The following TEAD1 variants were observed in gnomAD, a reference collection of about 807,000 sequenced individuals.
TEAD1 encodes TEA domain transcription factor 1, also known as transcriptional enhancer factor TEF-1.
A neutral mutation model predicts 54.9 loss-of-function variants in TEAD1; 9 were observed. The observed-to-expected ratio is 0.16, with a 90% CI of 0.10 to 0.29. TEAD1 has a LOEUF of 0.29. Among genes scored for constraint, TEAD1 ranks in the 10% least tolerant of loss-of-function variants. TEAD1 has a pLI of 1.00. For synonymous variants in TEAD1, 200 were observed against 187.8 expected (o/e 1.07, Z -0.53); for missense variants, 387 against 535.9 (o/e 0.72, Z 2.74).
intron 12 of TEAD1, among the ~76,000 whole-genome samples, chr11:12,933,368 GAAAATA>G (rs1949046166): frequency 6.6e-6 from 1 of 152,078 alleles, no homozygotes; most frequent in South Asian, 2.1e-4. Context: ...CTTGGATTTT[GAAAATA>G]AAATCATCTA....
intron 5 of TEAD1, among the ~76,000 whole-genome samples, chr11:12,874,038 G>A (rs1454246932): frequency 1.3e-5 from 2 of 151,934 alleles, no homozygotes; most frequent in Non-Finnish European, 2.9e-5. Context: ...TTTTTCTGAC[G>A]TATTTGATGG....
chr11:12,859,449 T>C (rs1452264591), intron 3 of TEAD1, among the ~76,000 whole-genome samples: 1 of 152,210 alleles, frequency 6.6e-6, no homozygotes, highest in African/African-American at 2.4e-5. Flanking sequence ...GATGCTTGGC[T>C]TGTCTGCAGA....
At chr11:12,935,441 A>ATTATTTAT (rs372268851) in intron 12 of TEAD1, among the ~76,000 whole-genome samples, 9,048 of 149,624 alleles carry the variant, frequency 0.06, 337 homozygotes, top group African/African-American at 0.08. Context: ...TCATTCAGCA[A>ATTATTTAT]TTATTTATTT....
At chr11:12,738,933 G>T (rs1310221230) in intron 2 of TEAD1, among the ~76,000 whole-genome samples, 1 of 152,176 alleles carries the variant, frequency 6.6e-6, no homozygotes, top group Non-Finnish European at 1.5e-5. Context: ...TGGGCAGTTG[G>T]CAGAGGTGCT....
intron 2 of TEAD1, among the ~76,000 whole-genome samples, chr11:12,705,714 G>A (rs1052277281): frequency 6.6e-6 from 1 of 152,132 alleles, no homozygotes; most frequent in Non-Finnish European, 1.5e-5. Flanking sequence ...TGGCCTTTTA[G>A]TTCGGTGCTA....
chr11:12,785,392 C>T (rs527997279), intron 3 of TEAD1, among the ~76,000 whole-genome samples: 1 of 152,278 alleles, frequency 6.6e-6, no homozygotes, highest in South Asian at 2.1e-4. Context: ...TTCCTCCTGT[C>T]CCACAGGTCC....
At chr11:12,926,486 C>T (rs1948904278) in intron 11 of TEAD1, among the ~76,000 whole-genome samples, 1 of 152,076 alleles carries the variant, frequency 6.6e-6, no homozygotes, top group African/African-American at 2.4e-5. Context: ...TCAAAAGTCA[C>T]ACTCACATTT....
At chr11:12,780,313 G>A (rs1945516180) in intron 3 of TEAD1, among the ~76,000 whole-genome samples, 1 of 145,944 alleles carries the variant, frequency 6.9e-6, no homozygotes, top group Non-Finnish European at 1.5e-5. Flanking sequence ...GTGCGATCTT[G>A]GCTCACTACA....
At chr11:12,836,850 A>C (rs530733799) in intron 3 of TEAD1, among the ~76,000 whole-genome samples, 6 of 152,148 alleles carry the variant, frequency 3.9e-5, no homozygotes, top group Non-Finnish European at 8.8e-5. Context: ...GTAATGGTAC[A>C]TTTGTCATAA....
At chr11:12,884,842 G>A (rs1014003845) in intron 9 of TEAD1, among the ~76,000 whole-genome samples, 1 of 152,198 alleles carries the variant, frequency 6.6e-6, no homozygotes, top group Admixed American at 6.5e-5. Flanking sequence ...CTAGGTGGAA[G>A]GCATTAAGAC....
At chr11:12,903,968 G>A (rs1367705263) in intron 10 of TEAD1, among the ~76,000 whole-genome samples, 1 of 152,186 alleles carries the variant, frequency 6.6e-6, no homozygotes, top group African/African-American at 2.4e-5. Flanking sequence ...GGTGGTTGGA[G>A]ATCAGTTATA....
intron 9 of TEAD1, among the ~76,000 whole-genome samples, 193 bp from the exon 10 acceptor site, chr11:12,901,747 A>G (rs1452721032): frequency 3.3e-5 from 5 of 152,192 alleles, no homozygotes. Flanking sequence ...TGTCAGTAAA[A>G]AGCAATGATT....
chr11:12,832,044 C>T (rs1241851513), intron 3 of TEAD1, among the ~76,000 whole-genome samples: 1 of 152,058 alleles, frequency 6.6e-6, no homozygotes, highest in Non-Finnish European at 1.5e-5. Flanking sequence ...AGTGGCAGAC[C>T]TCAGATTCAC....
intron 10 of TEAD1, 149 bp from the exon 11 acceptor site, chr11:12,924,763 G>C: frequency 1.1e-6 from 1 of 889,938 alleles, no homozygotes; most frequent in Non-Finnish European, 1.9e-6. Context: ...ACGACAGATG[G>C]GTATTGAACT....
intron 2 of TEAD1, among the ~76,000 whole-genome samples, chr11:12,742,185 T>TC (rs1944662522): frequency 6.6e-6 from 1 of 152,218 alleles, no homozygotes; most frequent in African/African-American, 2.4e-5. Context: ...ACAAATACAT[T>TC]TAGACTTTGA....
chr11:12,764,144 C>A, intron 2 of TEAD1, 35 bp from the exon 3 acceptor site: 1 of 1,374,402 alleles, frequency 7.3e-7, no homozygotes, highest in Non-Finnish European at 9.9e-7. Context: ...TTGTGGTTAC[C>A]ACATCCTTAT....
chr11:12,723,985 A>C (rs145201721), intron 2 of TEAD1, among the ~76,000 whole-genome samples: 1 of 152,148 alleles, frequency 6.6e-6, no homozygotes, highest in African/African-American at 2.4e-5. Context: ...TTACTCTCCT[A>C]TACATACCAT....
chr11:12,753,467 G>A (rs1944919117), intron 2 of TEAD1, among the ~76,000 whole-genome samples: 3 of 152,168 alleles, frequency 2.0e-5, no homozygotes, highest in African/African-American at 7.2e-5. Context: ...TCTAGTGGCT[G>A]GATAGAGGTA....
intron 3 of TEAD1, among the ~76,000 whole-genome samples, chr11:12,820,639 C>T (rs58179463): frequency 0.045 from 6,889 of 152,158 alleles, 562 homozygotes; most frequent in African/African-American, 0.16. Context: ...ATACAAAAAA[C>T]GTAGAATACA....
Sources: gnomAD v4.1 joint callset for allele counts (sites outside exome capture counted in the v4.1 genomes callset) on GRCh38, gnomAD v4.1.1 for gene constraint, MANE v1.5 for transcripts, NCBI Gene and HGNC (gene_info 2026-07-23, HGNC 2026-07-21) for gene names.